Variants in SLC36A1 observed in about 807,000 individuals in gnomAD.
The protein encoded by SLC36A1 is solute carrier family 36 member 1.
SLC36A1 carries 30 observed loss-of-function variants against 47.5 expected under a neutral mutation model. That is an observed-to-expected ratio of 0.63 (90% CI 0.47 to 0.86). The LOEUF (loss-of-function observed/expected upper bound fraction) is 0.86, where lower values mean the gene tolerates loss of function less well. Ranked by LOEUF, SLC36A1 falls within the 40% of genes least tolerant of loss-of-function variation. SLC36A1 has a pLI of 0.00. For missense variants in SLC36A1, 517 were observed against 606.0 expected (o/e 0.85, Z 1.54); for synonymous variants, 255 against 249.7 (o/e 1.02, Z -0.20).
chr5:151,421,166 C>CCCTT, the SLC36A1 span, among the ~76,000 whole-genome samples: 10 of 118,866 alleles, frequency 8.4e-5, no homozygotes, highest in South Asian at 3.5e-4. Context: ...AGCCACCACG[C>CCCTT]CCTTTCTCTC....
the SLC36A1 span, among the ~76,000 whole-genome samples, chr5:151,385,262 C>A: frequency 1.3e-5 from 2 of 152,184 alleles, no homozygotes; most frequent in Non-Finnish European, 2.9e-5. Context: ...AGCATGGACC[C>A]TCTCTAGCTG....
At chr5:151,358,930 C>T in the SLC36A1 span, among the ~76,000 whole-genome samples, 10,362 of 141,882 alleles carry the variant, frequency 0.073, 882 homozygotes, top group African/African-American at 0.22. Context: ...GCCGAGATTG[C>T]GCCACTGCAG....
the SLC36A1 span, among the ~76,000 whole-genome samples, chr5:151,349,354 A>G: frequency 7.2e-5 from 11 of 152,232 alleles, no homozygotes; most frequent in Admixed American, 6.5e-4. Flanking sequence ...ACCCCAACTC[A>G]TTGCACCACA....
the SLC36A1 span, among the ~76,000 whole-genome samples, chr5:151,532,388 AACACACACACACAC>A: frequency 9.3e-5 from 14 of 150,496 alleles, no homozygotes; most frequent in East Asian, 2.0e-4. Flanking sequence ...TGCGTGTACA[AACACACACACACAC>A]ACACACACAC....
chr5:151,411,680 G>C, the SLC36A1 span, among the ~76,000 whole-genome samples: 1 of 144,670 alleles, frequency 6.9e-6, no homozygotes, highest in Non-Finnish European at 1.5e-5. Flanking sequence ...TTTAGGGCTT[G>C]ACTGTTCCTT....
chr5:151,426,275 G>T, the SLC36A1 span, among the ~76,000 whole-genome samples: 1 of 152,022 alleles, frequency 6.6e-6, no homozygotes, highest in African/African-American at 2.4e-5. Flanking sequence ...CAGGGGACCG[G>T]TGCTCAGCAT....
chr5:151,352,096 C>T, the SLC36A1 span, among the ~76,000 whole-genome samples: 1 of 152,318 alleles, frequency 6.6e-6, no homozygotes, highest in South Asian at 2.1e-4. Flanking sequence ...TCTGTGCCTG[C>T]ACTTTTTATC....
At chr5:151,552,341 A>G in the SLC36A1 span, among the ~76,000 whole-genome samples, 1 of 152,182 alleles carries the variant, frequency 6.6e-6, no homozygotes, top group African/African-American at 2.4e-5. Flanking sequence ...GTATTAAAGA[A>G]AAAAAGTCAA....
At chr5:151,400,755 T>A in the SLC36A1 span, among the ~76,000 whole-genome samples, 1 of 152,178 alleles carries the variant, frequency 6.6e-6, no homozygotes, top group Non-Finnish European at 1.5e-5. Flanking sequence ...GTGGTTTTGA[T>A]TCGCATTTCT....
chr5:151,475,775 A>G (rs1481049083), intron 8 of SLC36A1, among the ~76,000 whole-genome samples: 2 of 152,218 alleles, frequency 1.3e-5, no homozygotes, highest in Non-Finnish European at 2.9e-5. Context: ...CAGGAAAATA[A>G]GTGTAATAAC....
chr5:151,553,418 T>C, the SLC36A1 span: 3 of 1,605,802 alleles, frequency 1.9e-6, no homozygotes, highest in Admixed American at 1.7e-5. Context: ...AAACTGAGGT[T>C]TGGGGCCAAG....
At chr5:151,426,464 C>T in the SLC36A1 span, among the ~76,000 whole-genome samples, 8 of 152,056 alleles carry the variant, frequency 5.3e-5, no homozygotes, top group Middle Eastern at 3.4e-3. Context: ...AGGTGCTGTG[C>T]CTTGATGTGC....
the SLC36A1 span, chr5:151,554,428 G>C: frequency 6.2e-7 from 1 of 1,614,196 alleles, no homozygotes; most frequent in Admixed American, 1.7e-5. Flanking sequence ...TGACCAGGTC[G>C]ATACTGAAGG....
the SLC36A1 span, chr5:151,382,086 A>G: frequency 1.5e-5 from 12 of 779,262 alleles, no homozygotes; most frequent in African/African-American, 2.1e-4. Context: ...CCCCAAAGAG[A>G]GCCTACTGAC....
chr5:151,476,018 G>A (rs1758006471), intron 8 of SLC36A1, among the ~76,000 whole-genome samples: 1 of 152,248 alleles, frequency 6.6e-6, no homozygotes, highest in Non-Finnish European at 1.5e-5. Context: ...TGTAATAGGA[G>A]TCTGGAAACT....
chr5:151,434,188 T>G (rs1279924515), upstream of SLC36A1, among the ~76,000 whole-genome samples: 4 of 152,096 alleles, frequency 2.6e-5, no homozygotes, highest in Non-Finnish European at 5.9e-5. Context: ...AGAGAAAATT[T>G]AAATATAGCA....
At chr5:151,349,510 C>T in the SLC36A1 span, among the ~76,000 whole-genome samples, 7 of 152,208 alleles carry the variant, frequency 4.6e-5, no homozygotes, top group South Asian at 1.2e-3. Flanking sequence ...TATTATTCCC[C>T]TTCAAACTCC....
chr5:151,508,277 T>C, the SLC36A1 span, among the ~76,000 whole-genome samples: 1 of 152,158 alleles, frequency 6.6e-6, no homozygotes, highest in Non-Finnish European at 1.5e-5. Context: ...TTATTTTGGG[T>C]TAAATGTTGT....
At chr5:151,365,093 C>T in the SLC36A1 span, among the ~76,000 whole-genome samples, 1 of 152,076 alleles carries the variant, frequency 6.6e-6, no homozygotes, top group African/African-American at 2.4e-5. Context: ...GTCTGCTCCT[C>T]TAAAACAACT....
Sources: gnomAD v4.1 joint callset for allele counts (sites outside exome capture counted in the v4.1 genomes callset) on GRCh38, gnomAD v4.1.1 for gene constraint, MANE v1.5 for transcripts, NCBI Gene and HGNC (gene_info 2026-07-23, HGNC 2026-07-21) for gene names.